Variants in IBTK observed in about 807,000 individuals in gnomAD.
IBTK encodes the protein inhibitor of Bruton tyrosine kinase.
Under a neutral mutation model 154.9 loss-of-function variants are expected in IBTK, and 83 were observed. That is an observed-to-expected ratio of 0.54 (90% CI 0.45 to 0.64). The LOEUF (loss-of-function observed/expected upper bound fraction) is 0.64. IBTK is among the 30% of genes least tolerant of loss of function. The pLI, the probability that IBTK is intolerant of heterozygous loss-of-function variation, is 0.00. For missense variants in IBTK, 1,332 were observed against 1,584.6 expected (o/e 0.84, Z 2.71); for synonymous variants, 515 against 536.1 (o/e 0.96, Z 0.54).
rs957297808 is a variant in IBTK, at chr6:82,240,600, T to A, written c.-114A>T. 1 of 828,782 alleles carries A rather than the reference T, an allele frequency of 1.2e-6. No homozygotes were observed. The highest frequency in any genetic ancestry group is 1.7e-5 in the African/African-American group (1 of 58,806). The allele number at this position is 828,782 out of a possible 1,614,324, so 51.3% of individuals were successfully genotyped here. On this transcript the variant is annotated 5_prime_UTR_variant, in exon 2 of 29. Transcript: ENST00000306270. ...AGTTACAGAGAATAAATTACCTTTT[T>A]AGGATAATTTAAATCCTCCTGACAA...
chr6:82,223,602 T>G lies in IBTK; in HGVS notation c.962A>C (p.Asn321Thr). Reference sequence around the variant, plus strand: ...AGGAGCAGTTACACACTTTTCTCCATTGGGATCTAGCAAACAACCTAAAAA... The same window carrying G: ...AGGAGCAGTTACACACTTTTCTCCAGTGGGATCTAGCAAACAACCTAAAAA... ...GGQLGCLLDP[N>T]GEKCVTAPRQ... is the part of the protein sequence containing the mutation. The change falls in exon 8 of 29, where the codon AAT becomes ACT. Residue 321 changes from asparagine to threonine, a missense_variant. This residue lies in a region of IBTK where 1,134 missense variants were observed against 1,274.7 expected (regional missense o/e 0.89). Transcript: ENST00000306270. 1.2e-6 allele frequency: 2 copies of G among 1,612,728 alleles called. No homozygotes were observed. Among genetic ancestry groups the G allele is most frequent in the Non-Finnish European group, 1.7e-6 (2 of 1,179,462 alleles).
rs1377975658 is a variant in IBTK at position 82,211,494 on chromosome 6, T to C, written c.2370A>G (p.Arg790=). The C allele has an allele frequency of 6.2e-7, 1 of 1,612,716 alleles. No homozygotes were observed. Among genetic ancestry groups the C allele is most frequent in the African/African-American group, 1.3e-5 (1 of 74,892 alleles). The change falls in exon 14 of 29, where the codon AGA becomes AGG. Residue 790 remains arginine, a synonymous_variant. Coordinates refer to ENST00000306270, the MANE Select transcript of IBTK (RefSeq NM_015525.4). ...AGCTTTAAAAAGTGCACCTACCAAG[T>C]CTAGCACAAAGAACACATTTATGAC... ...FPCHKCVLCA[R]LEYFHSMLSS...
intron 9 of IBTK, 125 bp from the exon 10 acceptor site, chr6:82,218,262 T>A (rs1019420399): frequency 2.5e-5 from 13 of 529,212 alleles, no homozygotes; most frequent in Non-Finnish European, 8.8e-6. Flanking sequence ...GTTTCAATGT[T>A]TATTCTTCCA....
chr6:82,222,662 T>TA (rs1290374741), intron 8 of IBTK, among the ~76,000 whole-genome samples: 7 of 152,212 alleles, frequency 4.6e-5, no homozygotes, highest in Non-Finnish European at 7.3e-5. Context: ...CAATTGTTTT[T>TA]AAGCACTGGT....
intron 1 of IBTK, among the ~76,000 whole-genome samples, chr6:82,243,880 A>G (rs1387665854): frequency 6.6e-6 from 1 of 152,196 alleles, no homozygotes; most frequent in Non-Finnish European, 1.5e-5. Context: ...TAGTATATAT[A>G]ATGTAAACAT....
In IBTK at chr6:82,186,005, G is replaced by C. The variant is rs1011612654; in HGVS notation, c.3576-3977C>G. Among the ~76,000 whole-genome samples the C allele has an allele frequency of 2.0e-5, 3 of 152,048 alleles. No homozygotes were observed. In the South Asian group the frequency reaches 6.3e-4, roughly 32 times the overall value. On this transcript the variant is annotated intron_variant, in intron 25 of 28. Coordinates refer to ENST00000306270, the MANE Select transcript of IBTK (RefSeq NM_015525.4). ...GTGTCATATTTTGGTATTTCTCCTG[G>C]TATTTCAAACTTTTTCATTATTATT... is the stretch of plus-strand genomic sequence containing the variant.
At chr6:82,246,401 C>T (rs972965513) in intron 1 of IBTK, among the ~76,000 whole-genome samples, 35 of 149,246 alleles carry the variant, frequency 2.3e-4, no homozygotes, top group African/African-American at 7.4e-4. Context: ...TCAAGTGATC[C>T]GCCCACCTTG....
chr6:82,223,704 A>C, intron 7 of IBTK, 84 bp from the exon 8 acceptor site: 1 of 1,199,456 alleles, frequency 8.3e-7, no homozygotes, highest in Non-Finnish European at 1.2e-6. Flanking sequence ...CATGCCTATA[A>C]TCCCAGCACT....
At chr6:82,234,062 C>T in intron 3 of IBTK, 97 bp downstream of exon 3, 1 of 434,976 alleles carries the variant, frequency 2.3e-6, no homozygotes, top group Admixed American at 3.3e-5. Flanking sequence ...TATTCTCGAA[C>T]TCCTGACCTG....
chr6:82,194,430 G>C, intron 23 of IBTK, 49 bp downstream of exon 23: 1 of 1,177,996 alleles, frequency 8.5e-7, no homozygotes, highest in East Asian at 2.7e-5. Flanking sequence ...CATTAAAAAT[G>C]AATGACATTT....
At chr6:82,173,291 T>C (rs1767997158) in intron 27 of IBTK, 76 bp downstream of exon 27, 9 of 1,050,418 alleles carry the variant, frequency 8.6e-6, no homozygotes, top group Non-Finnish European at 1.2e-5. Flanking sequence ...CATGAGCCAC[T>C]GCACTCAGCC....
chr6:82,215,501 A>G (rs1344382163), intron 11 of IBTK, among the ~76,000 whole-genome samples: 1 of 152,130 alleles, frequency 6.6e-6, no homozygotes, highest in Non-Finnish European at 1.5e-5. Flanking sequence ...TGAAAGACAA[A>G]TAAGGCAGGG....
intron 26 of IBTK, among the ~76,000 whole-genome samples, chr6:82,180,973 A>C (rs1768299888): frequency 6.6e-6 from 1 of 152,222 alleles, no homozygotes; most frequent in South Asian, 2.1e-4. Flanking sequence ...GCTGGAGTGC[A>C]GTGGTTTGAT....
chr6:82,197,943 A>G (rs1316613789), intron 21 of IBTK, among the ~76,000 whole-genome samples: 1 of 152,160 alleles, frequency 6.6e-6, no homozygotes, highest in Non-Finnish European at 1.5e-5. Flanking sequence ...GCCTCCAATT[A>G]AATCTGACCT....
intron 26 of IBTK, among the ~76,000 whole-genome samples, chr6:82,175,579 C>A (rs779827375): frequency 4.6e-5 from 7 of 152,150 alleles, no homozygotes; most frequent in Non-Finnish European, 7.4e-5. Flanking sequence ...AAACAAATAT[C>A]AAAAACATTC....
rs558103555 is a variant in IBTK at position 82,174,564 on chromosome 6, A to C, written c.3726-1126T>G. On this transcript the variant is annotated intron_variant, in intron 26 of 28. Coordinates refer to ENST00000306270, the MANE Select transcript of IBTK (RefSeq NM_015525.4). The stretch of plus-strand genomic sequence containing the variant: ...CTCTTCAATAAGCAAAGAATGCCTG[A>C]ATTCAGGGTAAGGAAGAAACTTAAA... Among the ~76,000 whole-genome samples the C allele has an allele frequency of 2.0e-5, 3 of 152,286 alleles. No homozygotes were observed. The South Asian group carries it at 6.2e-4, about 32-fold the overall frequency.
chr6:82,200,350 T>C (rs1769156457), intron 20 of IBTK, 97 bp from the exon 21 acceptor site: 1 of 877,038 alleles, frequency 1.1e-6, no homozygotes, highest in Non-Finnish European at 1.8e-6. Flanking sequence ...AGGCTACTTT[T>C]TAAAATATTT....
intron 5 of IBTK, 56 bp downstream of exon 5, chr6:82,227,136 C>G (rs1478740890): frequency 2.5e-6 from 3 of 1,182,776 alleles, no homozygotes; most frequent in African/African-American, 1.6e-5. Flanking sequence ...TTAAATCTTT[C>G]AGCTTATCAG....
chr6:82,192,503 T>C (rs1768804405), intron 23 of IBTK, among the ~76,000 whole-genome samples: 1 of 152,088 alleles, frequency 6.6e-6, no homozygotes, highest in Admixed American at 6.6e-5. Context: ...TCCCAGTACT[T>C]TGGGAGGCCG....
Sources: allele counts gnomAD v4.1 joint callset (sites outside exome capture counted in the v4.1 genomes callset), GRCh38; gene constraint gnomAD v4.1.1; regional missense constraint gnomAD v4.1.1; transcripts MANE v1.5; gene names NCBI Gene and HGNC (gene_info 2026-07-23, HGNC 2026-07-21).